MYO18A: variants seen among roughly 807,000 people sequenced by gnomAD.
MYO18A encodes the protein myosin XVIIIA.
In MYO18A, 78 loss-of-function variants were observed where a neutral mutation model predicts 235.8. The ratio of observed to expected loss-of-function variants is 0.33; its 90% confidence interval spans 0.28 to 0.40. The LOEUF (loss-of-function observed/expected upper bound fraction) is 0.40, where lower values mean the gene tolerates loss of function less well. Among genes scored for constraint, MYO18A ranks in the 10% least tolerant of loss-of-function variants. The pLI is 1.00. For missense variants in MYO18A, 2,215 were observed against 2,699.3 expected, an observed-to-expected ratio of 0.82 and a Z score of 3.98; for synonymous variants, 977 against 1,077.8, an observed-to-expected ratio of 0.91 and a Z score of 1.83.
Position 29,089,060 on chromosome 17 carries a change from A to G in MYO18A, c.5526+901T>C, listed in dbSNP as rs1360046908. On this transcript the variant is annotated intron_variant, in intron 37 of 41. Transcript: ENST00000527372. ...GACCCTATCTCAAAAAAAAAAAAAAAGGGGAAGAAGAGAGAATGAACCTTA... is the reference window on the plus strand; with the variant it reads ...GACCCTATCTCAAAAAAAAAAAAAAGGGGGAAGAAGAGAGAATGAACCTTA... Among the ~76,000 whole-genome samples the G allele has an allele frequency of 2.1e-4, 31 of 150,470 alleles. No individual in the cohort carries two copies. The South Asian group carries it at 4.6e-3, about 22-fold the overall frequency.
At chr17:29,156,029 G>C (rs1476432131) in intron 2 of MYO18A, among the ~76,000 whole-genome samples, 1 of 152,144 alleles carries the variant, frequency 6.6e-6, no homozygotes, top group African/African-American at 2.4e-5. Flanking sequence ...CCCAGGAGCA[G>C]AGCAACTGGG....
chr17:29,149,099 G>A (rs566690406), intron 2 of MYO18A, among the ~76,000 whole-genome samples: 1 of 152,288 alleles, frequency 6.6e-6, no homozygotes, highest in East Asian at 1.9e-4. Context: ...CCGCCAGGCC[G>A]GCCTCCAGGC....
At chr17:29,148,134 A>G (rs1035004268) in intron 2 of MYO18A, among the ~76,000 whole-genome samples, 1 of 152,106 alleles carries the variant, frequency 6.6e-6, no homozygotes, top group African/African-American at 2.4e-5. Flanking sequence ...TTGTTAAGAT[A>G]TATCTTAACA....
At chr17:29,087,263 C>T (rs1211279467) in intron 37 of MYO18A, 142 bp from the exon 38 acceptor site, 26 of 792,868 alleles carry the variant, frequency 3.3e-5, no homozygotes, top group Admixed American at 2.9e-4. Context: ...CAAGCAACCC[C>T]GAAGCTTCCC....
At chr17:29,085,489 T>C (rs1413993671) in intron 40 of MYO18A, 115 bp downstream of exon 40, 2 of 864,808 alleles carry the variant, frequency 2.3e-6, no homozygotes, top group South Asian at 1.5e-5. Context: ...GAGGCGGGAG[T>C]GTGGGGAGGC....
chr17:29,172,191 G>A (rs2152986628), intron 1 of MYO18A, among the ~76,000 whole-genome samples: 1 of 152,214 alleles, frequency 6.6e-6, no homozygotes, highest in South Asian at 2.1e-4. Flanking sequence ...TGAGTAAACA[G>A]GGCCGGGCGC....
At chr17:29,176,347 T>A (rs1165328496) in intron 1 of MYO18A, among the ~76,000 whole-genome samples, 1 of 151,320 alleles carries the variant, frequency 6.6e-6, no homozygotes, top group Non-Finnish European at 1.5e-5. Context: ...TGGCTGTAAG[T>A]GGGGACACAT....
At chr17:29,128,591 C>T (rs1179172418) in intron 2 of MYO18A, 1 of 1,175,930 alleles carries the variant, frequency 8.5e-7, no homozygotes, top group Non-Finnish European at 1.1e-6. Context: ...CCCCTGCAGC[C>T]CTGCCCATCC....
At chr17:29,147,987 A>G (rs2067883378) in intron 2 of MYO18A, among the ~76,000 whole-genome samples, 1 of 151,516 alleles carries the variant, frequency 6.6e-6, no homozygotes, top group Non-Finnish European at 1.5e-5. Flanking sequence ...TGGGGAAGAG[A>G]GGGTGACTCA....
intron 37 of MYO18A, among the ~76,000 whole-genome samples, chr17:29,088,955 A>G (rs2066325203): frequency 6.7e-6 from 1 of 149,376 alleles, no homozygotes; most frequent in Admixed American, 6.7e-5. Flanking sequence ...GGAGGATGGG[A>G]GGATTGCTTG....
intron 21 of MYO18A, among the ~76,000 whole-genome samples, 163 bp from the exon 22 acceptor site, chr17:29,099,925 G>T (rs2066613881): frequency 6.6e-6 from 1 of 152,130 alleles, no homozygotes; most frequent in South Asian, 2.1e-4. Flanking sequence ...GGAGGAGCAG[G>T]AAGAGGCCCT....
chr17:29,125,838 A>G lies in MYO18A; in HGVS notation c.1000-3585T>C. The G allele has an allele frequency of 1.1e-6, 1 of 912,802 alleles. No homozygotes were observed. Among genetic ancestry groups the G allele is most frequent in the Non-Finnish European group, 1.3e-6 (1 of 762,778 alleles). 56.5% of individuals were successfully genotyped at this position (912,802 alleles called of 1,614,324 possible). On this transcript the variant is annotated intron_variant, in intron 2 of 41. Coordinates refer to ENST00000527372, the MANE Select transcript of MYO18A (RefSeq NM_078471.4). This position sits in a 1 kb window ranked among gnomAD's most constrained non-coding sequence, Gnocchi z 5.1. ...CAGACACACACAGGGTCCTGCCGCC[A>G]GCCTCAGGAAGAGGGCGGCCAGGGA...
intron 2 of MYO18A, among the ~76,000 whole-genome samples, chr17:29,146,189 C>G (rs1875773031): frequency 6.6e-6 from 1 of 152,104 alleles, no homozygotes; most frequent in African/African-American, 2.4e-5. Flanking sequence ...ACCCGGGAGG[C>G]AGAGGTTGCA....
At chr17:29,081,689 A>G (rs1013122427) in intron 41 of MYO18A, among the ~76,000 whole-genome samples, 5 of 152,178 alleles carry the variant, frequency 3.3e-5, no homozygotes, top group African/African-American at 1.2e-4. Flanking sequence ...CACACTGGCC[A>G]GTAGGAAAGA....
Position 29,074,267 on chromosome 17 carries a change from G to T in MYO18A, c.*503C>A. ...CTCCCACTCTCAGGGATGCAGCTGTGATGGAGAGGTTGGGTATTTAAATTA... is the reference window on the plus strand; with the variant it reads ...CTCCCACTCTCAGGGATGCAGCTGTTATGGAGAGGTTGGGTATTTAAATTA... On this transcript the variant is annotated 3_prime_UTR_variant, in exon 42 of 42. Transcript: ENST00000527372. The surrounding 1 kb of genome is among the most constrained non-coding windows in gnomAD (Gnocchi z 4.4). 1 of 1,385,592 alleles carries T rather than the reference G, an allele frequency of 7.2e-7. No individual in the cohort carries two copies. Among genetic ancestry groups the T allele is most frequent in the Non-Finnish European group, 9.8e-7 (1 of 1,015,746 alleles). The allele number at this position is 1,385,592 out of a possible 1,614,324, so 85.8% of individuals were successfully genotyped here.
chr17:29,179,697 A>G (rs897198399), intron 1 of MYO18A, among the ~76,000 whole-genome samples: 1 of 151,998 alleles, frequency 6.6e-6, no homozygotes, highest in African/African-American at 2.4e-5. Flanking sequence ...GCCTGCCACC[A>G]TTCACCCTCT....
At chr17:29,129,055 C>T (rs1332478650) in intron 2 of MYO18A, 1 of 1,289,402 alleles carries the variant, frequency 7.8e-7, no homozygotes, top group Admixed American at 2.3e-5. Flanking sequence ...GCGTCCTGAC[C>T]TTTGTAGTCC....
At chr17:29,115,484 C>T in intron 12 of MYO18A, 43 bp from the exon 13 acceptor site, 2 of 1,594,676 alleles carry the variant, frequency 1.3e-6, no homozygotes, top group Non-Finnish European at 1.7e-6. Context: ...CTCCCCAGGG[C>T]TCCCCATCTG....
rs1219390261 is a variant in MYO18A, at chr17:29,109,783, G to A, written c.3331+75C>T. Reference sequence around the variant, plus strand: ...GCAGCCCCACTGCAGCCCACGGGTCGCAGGTGGGAGGTGGGGCCGGGCAGG... The same window carrying A: ...GCAGCCCCACTGCAGCCCACGGGTCACAGGTGGGAGGTGGGGCCGGGCAGG... On this transcript the variant is annotated intron_variant, in intron 19 of 41. Transcript: ENST00000527372. The surrounding 1 kb of genome is among the most constrained non-coding windows in gnomAD (Gnocchi z 4.1). The A allele has an allele frequency of 3.8e-5, 57 of 1,505,580 alleles. No homozygotes were observed. Among genetic ancestry groups the A allele is most frequent in the East Asian group, 7.4e-5 (3 of 40,386 alleles). 93.3% of individuals were successfully genotyped at this position (1,505,580 alleles called of 1,614,324 possible).
Sources: gnomAD v4.1 joint callset for allele counts (sites outside exome capture counted in the v4.1 genomes callset) on GRCh38, gnomAD v4.1.1 for gene constraint, Gnocchi (gnomAD v3.1) non-coding constraint, MANE v1.5 for transcripts, NCBI Gene and HGNC (gene_info 2026-07-23, HGNC 2026-07-21) for gene names.